DHRS7B: variants seen among roughly 807,000 people sequenced by gnomAD.
DHRS7B encodes peroxisomal reductase activating PPAR-gamma.
A neutral mutation model predicts 26.4 loss-of-function variants in DHRS7B; 24 were observed. The observed-to-expected ratio is 0.91, with a 90% CI of 0.66 to 1.28. The LOEUF (loss-of-function observed/expected upper bound fraction) is 1.28. Ranked by LOEUF, DHRS7B falls within the 50% of genes most tolerant of loss-of-function variation. The pLI is 0.00. For missense variants in DHRS7B, 368 were observed against 419.4 expected (o/e 0.88, Z 1.07); for synonymous variants, 142 against 166.4 (o/e 0.85, Z 1.13).
intron 2 of DHRS7B, 181 bp downstream of exon 2, chr17:21,172,377 A>G (rs1180076200): frequency 1.9e-6 from 1 of 513,712 alleles, no homozygotes; most frequent in East Asian, 6.9e-5. Context: ...GCCAAGGCAC[A>G]GTGAGAAATG....
intron 1 of DHRS7B, among the ~76,000 whole-genome samples, chr17:21,132,530 CAA>C (rs34728939): frequency 0.015 from 1,187 of 81,634 alleles, 10 homozygotes; most frequent in African/African-American, 0.049. Flanking sequence ...GACCTTGTCT[CAA>C]AAAAAAAAAA....
rs190245252 is a variant in DHRS7B at position 21,146,727 on chromosome 17, T to C, written c.20+19736T>C. ...TTGAATTTAAAGAGAAATTATTTTA[T>C]GGAAAAAACAATGAATTGCAAGAAA... On this transcript the variant is annotated intron_variant, in intron 1 of 6. Transcript: ENST00000395511. Among the ~76,000 whole-genome samples the C allele has an allele frequency of 1.6e-3, 245 of 152,324 alleles. 2 individuals carry two copies. Among genetic ancestry groups the C allele is most frequent in the African/African-American group, 5.7e-3 (239 of 41,570 alleles).
At chr17:21,161,409 T>C (rs1451412272) in intron 1 of DHRS7B, among the ~76,000 whole-genome samples, 3 of 152,230 alleles carry the variant, frequency 2.0e-5, no homozygotes, top group Non-Finnish European at 4.4e-5. Context: ...TAGAACAGTA[T>C]GTTCAAAGAA....
At chr17:21,127,184 C>T in intron 1 of DHRS7B, 193 bp downstream of exon 1, 1 of 556,610 alleles carries the variant, frequency 1.8e-6, no homozygotes, top group Non-Finnish European at 3.0e-6. Context: ...GACCAGAGCC[C>T]TGGCTCCGGC....
At chr17:21,135,320 G>A (rs1486798122) in intron 1 of DHRS7B, among the ~76,000 whole-genome samples, 1 of 152,138 alleles carries the variant, frequency 6.6e-6, no homozygotes, top group Non-Finnish European at 1.5e-5. Flanking sequence ...TTTTGGACCA[G>A]ATAAGCCAAA....
intron 2 of DHRS7B, 88 bp downstream of exon 2, chr17:21,172,284 A>G (rs1157256107): frequency 6.7e-7 from 1 of 1,483,828 alleles, no homozygotes; most frequent in South Asian, 1.2e-5. Context: ...CCACCAGCGC[A>G]AATGCCCGAA....
At chr17:21,138,101 T>TACACACACACACACACACACAC (rs370861401) in intron 1 of DHRS7B, among the ~76,000 whole-genome samples, 2 of 86,108 alleles carry the variant, frequency 2.3e-5, no homozygotes, top group African/African-American at 1.1e-4. Flanking sequence ...TATATATATA[T>TACACACACACACACACACACAC]ACACACACAC....
intron 3 of DHRS7B, among the ~76,000 whole-genome samples, chr17:21,181,579 C>T (rs8078205): frequency 0.076 from 11,625 of 152,200 alleles, 760 homozygotes; most frequent in African/African-American, 0.19. Flanking sequence ...AGGAAGCTCC[C>T]ACAATAACAG....
intron 1 of DHRS7B, among the ~76,000 whole-genome samples, chr17:21,151,109 A>G (rs1345496636): frequency 6.6e-6 from 1 of 152,234 alleles, no homozygotes; most frequent in Non-Finnish European, 1.5e-5. Flanking sequence ...ATTACGCATC[A>G]GATACAAGGG....
chr17:21,168,093 A>G (rs983180712), intron 1 of DHRS7B, among the ~76,000 whole-genome samples: 1 of 152,168 alleles, frequency 6.6e-6, no homozygotes, highest in African/African-American at 2.4e-5. Context: ...CTGACTTCCA[A>G]AGACAAGCTA....
At chr17:21,137,529 C>T (rs1452233741) in intron 1 of DHRS7B, among the ~76,000 whole-genome samples, 1 of 151,476 alleles carries the variant, frequency 6.6e-6, no homozygotes, top group Non-Finnish European at 1.5e-5. Context: ...ATAATATTGG[C>T]TCACTGCAAC....
chr17:21,184,097 C>T (rs1320626750), intron 4 of DHRS7B, among the ~76,000 whole-genome samples: 1 of 152,124 alleles, frequency 6.6e-6, no homozygotes, highest in Non-Finnish European at 1.5e-5. Context: ...GATTTCAGTC[C>T]AGGGGAGAGG....
intron 1 of DHRS7B, among the ~76,000 whole-genome samples, chr17:21,150,112 A>ACAAAAC (rs1417187005): frequency 9.8e-5 from 13 of 133,054 alleles, no homozygotes; most frequent in Non-Finnish European, 1.7e-4. Context: ...ATTTAAAAAA[A>ACAAAAC]AAAAAAAAAA....
At chr17:21,145,607 T>G (rs571404508) in intron 1 of DHRS7B, among the ~76,000 whole-genome samples, 45 of 152,376 alleles carry the variant, frequency 3.0e-4, no homozygotes, top group African/African-American at 1.0e-3. Flanking sequence ...TTATGATGGT[T>G]CTACTCAACC....
intron 5 of DHRS7B, among the ~76,000 whole-genome samples, chr17:21,185,646 G>T (rs1481904594): frequency 6.6e-6 from 1 of 151,708 alleles, no homozygotes; most frequent in Non-Finnish European, 1.5e-5. Flanking sequence ...CAATGATAAA[G>T]CAAATGAGTT....
At chr17:21,130,596 G>A (rs969615802) in intron 1 of DHRS7B, among the ~76,000 whole-genome samples, 1 of 151,812 alleles carries the variant, frequency 6.6e-6, no homozygotes, top group African/African-American at 2.4e-5. Context: ...ATAAATACTG[G>A]GTTTTTCAAA....
intron 1 of DHRS7B, among the ~76,000 whole-genome samples, chr17:21,162,725 T>A (rs1974024767): frequency 6.6e-6 from 1 of 152,146 alleles, no homozygotes; most frequent in Non-Finnish European, 1.5e-5. Flanking sequence ...CAAGCAGGAC[T>A]TGAAGATTGG....
At chr17:21,151,245 G>A (rs892784041) in intron 1 of DHRS7B, among the ~76,000 whole-genome samples, 2 of 152,072 alleles carry the variant, frequency 1.3e-5, no homozygotes, top group Non-Finnish European at 2.9e-5. Flanking sequence ...GGTGGCTCAC[G>A]CCTGTAATCC....
At chr17:21,182,786 C>T (rs1456588233) in intron 3 of DHRS7B, among the ~76,000 whole-genome samples, 2 of 152,322 alleles carry the variant, frequency 1.3e-5, no homozygotes, top group Admixed American at 1.3e-4. Context: ...CTGTTAAATT[C>T]AATTCGCTGG....
Sources: allele counts gnomAD v4.1 joint callset (sites outside exome capture counted in the v4.1 genomes callset), GRCh38; gene constraint gnomAD v4.1.1; transcripts MANE v1.5; gene names NCBI Gene and HGNC (gene_info 2026-07-23, HGNC 2026-07-21).